P3H2: variants seen among roughly 807,000 people sequenced by gnomAD.
The protein encoded by P3H2 is prolyl 3-hydroxylase 2, also known as leprecan-like 1.
P3H2 carries 80 observed loss-of-function variants against 87.0 expected under a neutral mutation model. The observed-to-expected ratio is 0.92, with a 90% CI of 0.77 to 1.11. The LOEUF is 1.11. Ranked by LOEUF, P3H2 falls within the 50% of genes least tolerant of loss-of-function variation. P3H2 has a pLI of 0.00. For synonymous variants in P3H2, 367 were observed against 359.3 expected (o/e 1.02, Z -0.24); for missense variants, 1,001 against 923.9 (o/e 1.08, Z -1.08).
At position 189,969,325 on chromosome 3, in the gene P3H2, G is replaced by C. The variant is rs544736922; in HGVS notation, c.1893+1491C>G. ...CCAGGTGCAGAACATGAAGCTTTCT[G>C]CTCAAGAGATAAAACGAGGTCCCTC... On this transcript the variant is annotated intron_variant, in intron 13 of 14. Coordinates refer to ENST00000319332, the MANE Select transcript of P3H2 (RefSeq NM_018192.4). 3 of 884,662 alleles carry C rather than the reference G, an allele frequency of 3.4e-6. No homozygotes were observed. The South Asian group carries it at 4.0e-5, about 12-fold the overall frequency. The allele number at this position is 884,662 out of a possible 1,614,324, so 54.8% of individuals were successfully genotyped here.
Position 189,986,769 on chromosome 3 carries a change from G to A in P3H2, c.1188+19C>T, listed in dbSNP as rs528729180. 11 of 1,514,950 alleles carry A rather than the reference G, an allele frequency of 7.3e-6. No homozygotes were observed. Among genetic ancestry groups the A allele is most frequent in the East Asian group, 2.3e-5 (1 of 44,374 alleles). 93.8% of individuals were successfully genotyped at this position (1,514,950 alleles called of 1,614,324 possible). A position where few individuals can be genotyped will look rare whatever the true frequency, so the allele number is the denominator to read the frequency against. On this transcript the variant is annotated intron_variant, in intron 6 of 14. Transcript: ENST00000319332. Reference sequence around the variant, plus strand: ...CCACTGAATCATTATTTTAATAAACGTTTCCTCTTTCCTCTTACCGGTTCA... The same window carrying A: ...CCACTGAATCATTATTTTAATAAACATTTCCTCTTTCCTCTTACCGGTTCA...
At position 190,036,658 on chromosome 3, in the gene P3H2, T is replaced by C. The variant is rs1725434867; in HGVS notation, c.481-41216A>G. On this transcript the variant is annotated intron_variant, in intron 1 of 14. Coordinates refer to ENST00000319332, the MANE Select transcript of P3H2 (RefSeq NM_018192.4). ...CAAATCACATTCATTTCCACTTTTC[T>C]TTTTCTCCCTCAGTCTCACTCACTG... Among the ~76,000 whole-genome samples the C allele has an allele frequency of 6.6e-5, 10 of 152,334 alleles. No individual in the cohort carries two copies. The South Asian group carries it at 2.1e-3, about 32-fold the overall frequency.
intron 1 of P3H2, among the ~76,000 whole-genome samples, chr3:190,072,824 A>G (rs1726749458): frequency 1.3e-5 from 2 of 152,214 alleles, no homozygotes; most frequent in Admixed American, 1.3e-4. Context: ...TATACTGGAA[A>G]ATGTTATCCA....
At chr3:190,074,851 G>A (rs1264994259) in intron 1 of P3H2, among the ~76,000 whole-genome samples, 3 of 152,228 alleles carry the variant, frequency 2.0e-5, no homozygotes, top group Non-Finnish European at 2.9e-5. Context: ...GAAAGCACGA[G>A]AGAAGAAAAT....
At chr3:190,081,199 A>AT (rs1266946241) in intron 1 of P3H2, among the ~76,000 whole-genome samples, 1 of 152,232 alleles carries the variant, frequency 6.6e-6, no homozygotes, top group Non-Finnish European at 1.5e-5. Context: ...TGTGATATTT[A>AT]TTATTATGGT....
chr3:190,097,829 G>A lies in P3H2; in HGVS notation c.480+22423C>T, dbSNP rs74968059. ...CCCCGCAGGATAAAGGCATGCATGA[G>A]TCTGGAATGTATTAAAGGAGGTCAG... On this transcript the variant is annotated intron_variant, in intron 1 of 14. Transcript: ENST00000319332. Among the ~76,000 whole-genome samples the A allele has an allele frequency of 9.2e-3, 1,402 of 152,156 alleles. 26 individuals are homozygous for A. The highest frequency in any genetic ancestry group is 0.03 in the African/African-American group (1,263 of 41,486).
At chr3:189,996,997 T>A (rs1724071045) in intron 1 of P3H2, among the ~76,000 whole-genome samples, 1 of 152,212 alleles carries the variant, frequency 6.6e-6, no homozygotes. Flanking sequence ...TTTTAAAAAA[T>A]GGAATTAATT....
chr3:190,070,965 G>T (rs1412547041), intron 1 of P3H2, among the ~76,000 whole-genome samples: 1 of 152,204 alleles, frequency 6.6e-6, no homozygotes, highest in African/African-American at 2.4e-5. Flanking sequence ...TAAATTAAAT[G>T]AAGGAAAACA....
At chr3:190,050,697 C>T (rs1526034) in intron 1 of P3H2, among the ~76,000 whole-genome samples, 124,370 of 152,122 alleles carry the variant, frequency 0.82, 51,034 homozygotes, top group East Asian at 0.88. Context: ...AGATTTTATT[C>T]GTCCTTCATG....
chr3:190,107,822 C>A (rs1432239352), intron 1 of P3H2, among the ~76,000 whole-genome samples: 1 of 152,176 alleles, frequency 6.6e-6, no homozygotes, highest in Non-Finnish European at 1.5e-5. Context: ...GATTCTTTTA[C>A]AAACTATGAT....
intron 1 of P3H2, among the ~76,000 whole-genome samples, chr3:190,112,766 G>A (rs1425602163): frequency 3.3e-5 from 5 of 151,804 alleles, no homozygotes; most frequent in African/African-American, 4.8e-5. Context: ...CACTAGGAAC[G>A]CCACTCAGAA....
At chr3:190,052,653 G>A (rs887757964) in intron 1 of P3H2, among the ~76,000 whole-genome samples, 3 of 151,668 alleles carry the variant, frequency 2.0e-5, no homozygotes. Context: ...GTGTTTATGT[G>A]TATATAAGTA....
chr3:190,047,581 G>A (rs748387197), intron 1 of P3H2, among the ~76,000 whole-genome samples: 1 of 151,998 alleles, frequency 6.6e-6, no homozygotes, highest in African/African-American at 2.4e-5. Context: ...TAATATTCTC[G>A]TGTGTATATA....
At chr3:189,990,639 C>G (rs1017441536) in intron 3 of P3H2, among the ~76,000 whole-genome samples, 1 of 152,144 alleles carries the variant, frequency 6.6e-6, no homozygotes, top group South Asian at 2.1e-4. Context: ...ATGTCTAACT[C>G]TAAAATTCAA....
intron 1 of P3H2, among the ~76,000 whole-genome samples, chr3:190,026,786 G>A (rs1014799444): frequency 2.6e-5 from 4 of 152,130 alleles, no homozygotes; most frequent in African/African-American, 9.7e-5. Context: ...GTAACATAAA[G>A]ATTAAAGTAA....
intron 1 of P3H2, among the ~76,000 whole-genome samples, chr3:190,010,071 C>A (rs1724538230): frequency 6.6e-6 from 1 of 152,180 alleles, no homozygotes; most frequent in African/African-American, 2.4e-5. Context: ...TGCCTGGATG[C>A]AACTTGCATA....
chr3:190,016,819 C>A (rs1387428261), intron 1 of P3H2, among the ~76,000 whole-genome samples: 5 of 152,308 alleles, frequency 3.3e-5, no homozygotes, highest in Non-Finnish European at 5.9e-5. Flanking sequence ...CATTCAGCAA[C>A]AGGACATTCA....
chr3:189,999,134 A>T (rs989888597), intron 1 of P3H2, among the ~76,000 whole-genome samples: 2 of 152,240 alleles, frequency 1.3e-5, no homozygotes, highest in African/African-American at 4.8e-5. Context: ...ATTCATACTG[A>T]GAGCTTCCAA....
Position 190,057,247 on chromosome 3 carries a change from T to A in P3H2, c.481-61805A>T, listed in dbSNP as rs577101006. On this transcript the variant is annotated intron_variant, in intron 1 of 14. Coordinates refer to ENST00000319332, the MANE Select transcript of P3H2 (RefSeq NM_018192.4). ...TTAGACCAGAAGCAAAGGGAACTTGTTAGAAATGCAAATCTCAAACTAGAT... is the reference window on the plus strand; with the variant it reads ...TTAGACCAGAAGCAAAGGGAACTTGATAGAAATGCAAATCTCAAACTAGAT... Among the ~76,000 whole-genome samples, 4 of 152,264 alleles carry A rather than the reference T, an allele frequency of 2.6e-5. No individual in the cohort carries two copies. In the East Asian group the frequency reaches 7.7e-4, roughly 29 times the overall value.
Sources: allele counts gnomAD v4.1 joint callset (sites outside exome capture counted in the v4.1 genomes callset), GRCh38; gene constraint gnomAD v4.1.1; transcripts MANE v1.5; gene names NCBI Gene and HGNC (gene_info 2026-07-23, HGNC 2026-07-21).